TSPAN9: variants seen among roughly 807,000 people sequenced by gnomAD.
The protein encoded by TSPAN9 is tetraspanin 9.
A neutral mutation model predicts 31.0 loss-of-function variants in TSPAN9; 16 were observed. The ratio of observed to expected loss-of-function variants is 0.52; its 90% CI spans 0.35 to 0.78. TSPAN9 has a LOEUF of 0.78. TSPAN9 is among the 30% of genes least tolerant of loss of function. The pLI is 0.01. For synonymous variants in TSPAN9, 145 were observed against 121.6 expected (o/e 1.19, Z -1.27); for missense variants, 272 against 312.5 (o/e 0.87, Z 0.98).
intron 2 of TSPAN9, among the ~76,000 whole-genome samples, chr12:3,148,784 G>A (rs2098338525): frequency 6.6e-6 from 1 of 152,352 alleles, no homozygotes; most frequent in South Asian, 2.1e-4. Flanking sequence ...GCCCAGGCGG[G>A]GGAGGGACTG....
chr12:3,208,838 G>A (rs1472723306), intron 3 of TSPAN9, among the ~76,000 whole-genome samples: 1 of 152,222 alleles, frequency 6.6e-6, no homozygotes, highest in Non-Finnish European at 1.5e-5. Context: ...TGAATCTTGT[G>A]TGAAGTGTAC....
chr12:3,278,706 G>T, intron 4 of TSPAN9, 94 bp downstream of exon 4: 4 of 1,498,170 alleles, frequency 2.7e-6, no homozygotes, highest in Non-Finnish European at 3.6e-6. Flanking sequence ...TAGCCACCTG[G>T]GTGTCCAACC....
chr12:3,081,939 G>T (rs1158279263), intron 1 of TSPAN9, among the ~76,000 whole-genome samples: 1 of 151,384 alleles, frequency 6.6e-6, no homozygotes, highest in African/African-American at 2.4e-5. Flanking sequence ...CGAGGCTTCA[G>T]TGAGCCATGA....
intron 2 of TSPAN9, among the ~76,000 whole-genome samples, chr12:3,179,159 C>G (rs978064320): frequency 2.0e-5 from 3 of 152,114 alleles, no homozygotes; most frequent in African/African-American, 7.2e-5. Context: ...TTGTTTGTGG[C>G]AACCCCACAC....
intron 2 of TSPAN9, among the ~76,000 whole-genome samples, chr12:3,191,874 G>A (rs1414008655): frequency 6.6e-6 from 1 of 152,188 alleles, no homozygotes; most frequent in Non-Finnish European, 1.5e-5. Flanking sequence ...AGGGGCAAAT[G>A]GTGCTGTGAG....
chr12:3,161,776 T>A (rs555988078), intron 2 of TSPAN9, among the ~76,000 whole-genome samples: 76 of 59,898 alleles, frequency 1.3e-3, no homozygotes, highest in Non-Finnish European at 2.7e-3. Flanking sequence ...GGTTGAAATC[T>A]ATCTATCTAT....
chr12:3,235,268 A>ATG (rs2098393192), intron 3 of TSPAN9, among the ~76,000 whole-genome samples: 1 of 95,822 alleles, frequency 1.0e-5, no homozygotes, highest in African/African-American at 4.1e-5. Flanking sequence ...ATATATATAT[A>ATG]TATGTAAGTG....
rs2098368983 is a variant in TSPAN9 at position 3,198,660 on chromosome 12, T to TCACCACCAGCACAGGC, written c.-17-2501_-17-2486dup. On this transcript the variant is annotated intron_variant, in intron 2 of 8. Transcript: ENST00000011898. ...CAGCACAGCTCACCACCAGCACAGC[T>TCACCACCAGCACAGGC]CACCACCAGCACAGGCCACCACCAG... 1.7e-4 allele frequency among the ~76,000 whole-genome samples: 10 copies of TCACCACCAGCACAGGC among 59,888 alleles called. 1 individual carries two copies. The highest frequency in any genetic ancestry group is 3.1e-4 in the African/African-American group (3 of 9,658). The allele number at this position is 59,888 out of a possible 152,430, so 39.3% of individuals were successfully genotyped here.
At chr12:3,227,519 C>T (rs1278070628) in intron 3 of TSPAN9, among the ~76,000 whole-genome samples, 2 of 152,148 alleles carry the variant, frequency 1.3e-5, no homozygotes, top group South Asian at 2.1e-4. Flanking sequence ...ATTTGCATTG[C>T]GTGCTTGGAG....
At chr12:3,139,143 G>A (rs1343963885) in intron 2 of TSPAN9, among the ~76,000 whole-genome samples, 1 of 152,182 alleles carries the variant, frequency 6.6e-6, no homozygotes, top group Non-Finnish European at 1.5e-5. Flanking sequence ...ATCCTCTCAG[G>A]TTTCAGCTTC....
chr12:3,105,695 T>C (rs2098313975), intron 2 of TSPAN9, among the ~76,000 whole-genome samples: 1 of 151,886 alleles, frequency 6.6e-6, no homozygotes, highest in Non-Finnish European at 1.5e-5. Flanking sequence ...GGAGTGTACA[T>C]GCCCCTGGGG....
rs191984727 is a variant in TSPAN9 at position 3,112,028 on chromosome 12, T to C, written c.-18+28309T>C. ...GGACAGGTCGCCTTTACATTTTCTT[T>C]AGGTGTTTTGTGTTTGTATTTAGTC... On this transcript the variant is annotated intron_variant, in intron 2 of 8. Transcript: ENST00000011898. Among the ~76,000 whole-genome samples, 111 of 152,244 alleles carry C rather than the reference T, an allele frequency of 7.3e-4. No homozygotes were observed. The East Asian group carries it at 0.014, about 19-fold the overall frequency.
rs575779317 is a variant in TSPAN9 at position 3,260,901 on chromosome 12, G to A, written c.64-17520G>A. On this transcript the variant is annotated intron_variant, in intron 3 of 8. Transcript: ENST00000011898. The stretch of plus-strand genomic sequence containing the variant: ...AGGACCCTAGATTGCAGGTATAGTT[G>A]CAAAAGAATATGGAAATGATGAGCC... Among the ~76,000 whole-genome samples the A allele has an allele frequency of 2.0e-5, 3 of 152,336 alleles. No individual in the cohort carries two copies. The East Asian group carries it at 5.8e-4, about 29-fold the overall frequency.
At chr12:3,181,617 A>G (rs778079661) in intron 2 of TSPAN9, among the ~76,000 whole-genome samples, 14 of 152,050 alleles carry the variant, frequency 9.2e-5, no homozygotes, top group Non-Finnish European at 1.6e-4. Context: ...ATTTCATCCT[A>G]GGACAGCCCA....
At position 3,284,798 on chromosome 12, in the gene TSPAN9, G is replaced by GT. The variant is rs1242288514; in HGVS notation, c.*1685dup. The GT allele has an allele frequency of 6.6e-6, 1 of 152,200 alleles. No individual in the cohort carries two copies. Among genetic ancestry groups the GT allele is most frequent in the Non-Finnish European group, 1.5e-5 (1 of 68,072 alleles). 9.4% of individuals were successfully genotyped at this position (152,200 alleles called of 1,614,324 possible). A position where few individuals can be genotyped will look rare whatever the true frequency, so the allele number is the denominator to read the frequency against. ...GGTGGGCGGCTGCCTTTCCTATACA[G>GT]TTTGTCTTGTCACCCTGGTTTCCCA... is the stretch of plus-strand genomic sequence containing the variant. On this transcript the variant is annotated 3_prime_UTR_variant, in exon 9 of 9. Coordinates refer to ENST00000011898, the MANE Select transcript of TSPAN9 (RefSeq NM_006675.5).
intron 3 of TSPAN9, among the ~76,000 whole-genome samples, chr12:3,270,861 G>A (rs1338501378): frequency 6.6e-6 from 1 of 152,240 alleles, no homozygotes; most frequent in Non-Finnish European, 1.5e-5. Context: ...TCAACTGCTA[G>A]GGGTTTTGGT....
intron 3 of TSPAN9, among the ~76,000 whole-genome samples, chr12:3,227,714 G>A (rs1046692067): frequency 2.6e-5 from 4 of 152,266 alleles, no homozygotes; most frequent in South Asian, 2.1e-4. Context: ...GTCGGGCCAC[G>A]TCCTCTCCAT....
intron 2 of TSPAN9, among the ~76,000 whole-genome samples, chr12:3,099,083 A>G (rs2098310583): frequency 1.3e-5 from 2 of 152,154 alleles, no homozygotes; most frequent in African/African-American, 4.8e-5. Flanking sequence ...TTGTTTTAGC[A>G]AATTTGAAAA....
chr12:3,089,537 CG>C, intron 2 of TSPAN9, among the ~76,000 whole-genome samples: 1 of 151,986 alleles, frequency 6.6e-6, no homozygotes, highest in Non-Finnish European at 1.5e-5. Flanking sequence ...CCTCGTGATC[CG>C]CCCTCCTTGG....
Sources: allele counts gnomAD v4.1 joint callset (sites outside exome capture counted in the v4.1 genomes callset), GRCh38; gene constraint gnomAD v4.1.1; transcripts MANE v1.5; gene names NCBI Gene and HGNC (gene_info 2026-07-23, HGNC 2026-07-21).